The following ARFGEF2 variants were observed in gnomAD, a reference collection of about 807,000 sequenced individuals.
ARFGEF2 encodes brefeldin A-inhibited guanine nucleotide-exchange protein 2.
In ARFGEF2, 74 loss-of-function variants were observed where a neutral mutation model predicts 219.9. That is an observed-to-expected ratio of 0.34 (90% CI 0.28 to 0.41). The LOEUF (loss-of-function observed/expected upper bound fraction) is 0.41, where lower values mean the gene tolerates loss of function less well. Ranked by LOEUF, ARFGEF2 falls within the 10% of genes least tolerant of loss-of-function variation. The pLI, the probability that ARFGEF2 is intolerant of heterozygous loss-of-function variation, is 1.00. For synonymous variants in ARFGEF2, 733 were observed against 799.2 expected (o/e 0.92, Z 1.40); for missense variants, 1,743 against 2,218.3 (o/e 0.79, Z 4.30).
intron 6 of ARFGEF2, among the ~76,000 whole-genome samples, chr20:48,963,263 G>A (rs1476862578): frequency 6.6e-6 from 1 of 151,758 alleles, no homozygotes; most frequent in Non-Finnish European, 1.5e-5. Context: ...CTAGTTTTCT[G>A]CGGCGGGGGG....
intron 14 of ARFGEF2, among the ~76,000 whole-genome samples, chr20:48,979,968 T>C (rs1442362397): frequency 6.6e-6 from 1 of 152,154 alleles, no homozygotes; most frequent in Admixed American, 6.6e-5. Flanking sequence ...GGGTTTTTTA[T>C]GTCTCTATCT....
rs201458210 is a variant in ARFGEF2 at position 48,953,593 on chromosome 20, C to G, written c.641C>G (p.Ser214Ter). 1 of 1,614,110 alleles carries G rather than the reference C, an allele frequency of 6.2e-7. No individual in the cohort carries two copies. The highest frequency in any genetic ancestry group is 8.5e-7 in the Non-Finnish European group (1 of 1,180,040). ...AGAGAACTGGAAAAACCAATCCAGT[C>G]AAAACCCCAGTCCCCTGTGATCCAA... ...EARELEKPIQ[S>*]KPQSPVIQAA... The change falls in exon 6 of 39, where the codon TCA (serine) becomes TGA (stop). Residue 214 changes from serine to a stop codon, truncating the protein, a stop_gained. Transcript: ENST00000371917. LOFTEE classifies it high-confidence loss of function.
intron 1 of ARFGEF2, among the ~76,000 whole-genome samples, chr20:48,938,268 G>T (rs2090972235): frequency 2.0e-5 from 3 of 152,154 alleles, no homozygotes; most frequent in South Asian, 4.1e-4. Context: ...TCATAGCACT[G>T]ATCACAGTCC....
intron 1 of ARFGEF2, among the ~76,000 whole-genome samples, chr20:48,934,331 C>T (rs931132034): frequency 2.8e-4 from 43 of 151,772 alleles, no homozygotes; most frequent in African/African-American, 9.7e-4. Flanking sequence ...TTTCTCCCTC[C>T]GTTTAAAAAA....
rs1046615621 is a variant in ARFGEF2, at chr20:48,956,704, C to T, written c.838+2914C>T. Reference sequence around the variant, plus strand: ...AAGTGATTCCCCTGCCTCAGCCTCCCGAGTAGCTGGGACCACAGGCTCACA... The same window carrying T: ...AAGTGATTCCCCTGCCTCAGCCTCCTGAGTAGCTGGGACCACAGGCTCACA... On this transcript the variant is annotated intron_variant, in intron 6 of 38. Transcript: ENST00000371917. 6.6e-5 allele frequency among the ~76,000 whole-genome samples: 10 copies of T among 152,108 alleles called. No homozygotes were observed. In the South Asian group the frequency reaches 1.4e-3, roughly 22 times the overall value.
At chr20:48,990,127 C>T (rs2091349128) in intron 20 of ARFGEF2, among the ~76,000 whole-genome samples, 1 of 151,990 alleles carries the variant, frequency 6.6e-6, no homozygotes, top group Non-Finnish European at 1.5e-5. Context: ...TGCGGTGAGC[C>T]GAGATCGCGC....
At position 48,994,739 on chromosome 20, in the gene ARFGEF2, G is replaced by C. The variant is rs576811993; in HGVS notation, c.3121+141G>C. Reference sequence around the variant, plus strand: ...ACAGTGTTCATGAATGCAAGTGGACGTGCTGCTTTGGCCTCTTAATTGTGA... The same window carrying C: ...ACAGTGTTCATGAATGCAAGTGGACCTGCTGCTTTGGCCTCTTAATTGTGA... On this transcript the variant is annotated intron_variant, in intron 22 of 38. Transcript: ENST00000371917. 4.3e-5 allele frequency: 55 copies of C among 1,265,432 alleles called. No homozygotes were observed. In the South Asian group the frequency reaches 6.5e-4, roughly 15 times the overall value. The allele number at this position is 1,265,432 out of a possible 1,614,324, so 78.4% of individuals were successfully genotyped here. A position where few individuals can be genotyped will look rare whatever the true frequency, so the allele number is the denominator to read the frequency against.
intron 13 of ARFGEF2, 79 bp downstream of exon 13, chr20:48,974,953 G>GACAAC: frequency 1.6e-6 from 2 of 1,252,030 alleles, no homozygotes; most frequent in Non-Finnish European, 2.3e-6. Context: ...TCTTAGTATA[G>GACAAC]TTGTCTTAGA....
rs1250723835 is a variant in ARFGEF2 at position 48,989,629 on chromosome 20, T to C, written c.2759T>C (p.Leu920Ser). 1.2e-6 allele frequency: 2 copies of C among 1,614,194 alleles called. No individual in the cohort carries two copies. Among genetic ancestry groups the C allele is most frequent in the South Asian group, 2.2e-5 (2 of 91,086 alleles). The change falls in exon 20 of 39, where the codon TTG (leucine) becomes TCG (serine). Residue 920 changes from leucine (L) to serine (S), a missense_variant. Coordinates refer to ENST00000371917, the MANE Select transcript of ARFGEF2 (RefSeq NM_006420.3). ...TGTGATGACACTGAAGTGGCCTCCT[T>C]GTGTTTGGAAGGCATCCGATGTGCA... ...QNCDDTEVAS[L>S]CLEGIRCAIR...
intron 25 of ARFGEF2, among the ~76,000 whole-genome samples, chr20:49,003,667 C>T (rs2091438327): frequency 2.0e-5 from 3 of 151,994 alleles, no homozygotes; most frequent in Admixed American, 1.3e-4. Context: ...AATGAAATGG[C>T]TCACTTGGAG....
chr20:48,984,846 G>C lies in ARFGEF2; in HGVS notation c.2070+6G>C. On this transcript the variant is annotated splice_donor_region_variant and intron_variant, in intron 15 of 38. Coordinates refer to ENST00000371917, the MANE Select transcript of ARFGEF2 (RefSeq NM_006420.3). The stretch of plus-strand genomic sequence containing the variant: ...AGGAGGAGCGCCTGGATTCCGTAAG[G>C]CTTGGGGGTGTAGCACTTGCATGTG... The C allele has an allele frequency of 1.9e-6, 3 of 1,612,286 alleles. No homozygotes were observed. The highest frequency in any genetic ancestry group is 2.2e-5 in the South Asian group (2 of 90,984).
rs2091232821 is a variant in ARFGEF2, at chr20:48,972,238, G to A, written c.1426-88G>A. 7.6e-6 allele frequency: 7 copies of A among 923,900 alleles called. No homozygotes were observed. In the South Asian group the frequency reaches 9.3e-5, roughly 12 times the overall value. 57.2% of individuals were successfully genotyped at this position (923,900 alleles called of 1,614,324 possible). Reference sequence around the variant, plus strand: ...GCCCAGGGTGCTTTACTTACTGCACGACTGGGTTGGCTGCTGAAGACTTTG... The same window carrying A: ...GCCCAGGGTGCTTTACTTACTGCACAACTGGGTTGGCTGCTGAAGACTTTG... On this transcript the variant is annotated intron_variant, in intron 10 of 38. Transcript: ENST00000371917.
intron 3 of ARFGEF2, among the ~76,000 whole-genome samples, chr20:48,950,999 C>G (rs963381106): frequency 1.3e-5 from 2 of 151,716 alleles, no homozygotes; most frequent in South Asian, 2.1e-4. Flanking sequence ...ACGCCGCCCC[C>G]CTAACTCTAG....
chr20:48,979,005 A>G (rs958870781), intron 14 of ARFGEF2, among the ~76,000 whole-genome samples: 18 of 152,144 alleles, frequency 1.2e-4, no homozygotes, highest in Admixed American at 3.9e-4. Flanking sequence ...AACTCCCAAC[A>G]CTGTGTTGAA....
intron 26 of ARFGEF2, among the ~76,000 whole-genome samples, chr20:49,009,686 A>G (rs2091484036): frequency 2.0e-5 from 3 of 152,212 alleles, no homozygotes; most frequent in Non-Finnish European, 4.4e-5. Context: ...TTAGGTAAAC[A>G]TTGCACCTTA....
In ARFGEF2 at chr20:49,035,074, C is replaced by G. The variant is rs186865662; in HGVS notation, c.*1875C>G. ...AAACCTACACTCCCTGGTATCATAGCGCGTCATCACCTCAACAAGTCAGTC... is the reference window on the plus strand; with the variant it reads ...AAACCTACACTCCCTGGTATCATAGGGCGTCATCACCTCAACAAGTCAGTC... On this transcript the variant is annotated 3_prime_UTR_variant, in exon 39 of 39. Transcript: ENST00000371917. 4 of 152,150 alleles carry G rather than the reference C, an allele frequency of 2.6e-5. No individual in the cohort carries two copies. The highest frequency in any genetic ancestry group is 1.3e-4 in the Admixed American group (2 of 15,272). 9.4% of individuals were successfully genotyped at this position (152,150 alleles called of 1,614,324 possible). A position where few individuals can be genotyped will look rare whatever the true frequency, so the allele number is the denominator to read the frequency against.
chr20:48,921,853 CG>C lies in ARFGEF2; in HGVS notation c.-36del. The C allele has an allele frequency of 6.7e-7, 1 of 1,500,328 alleles. No homozygotes were observed. Among genetic ancestry groups the C allele is most frequent in the Admixed American group, 2.2e-5 (1 of 46,386 alleles). 92.9% of individuals were successfully genotyped at this position (1,500,328 alleles called of 1,614,324 possible). A position where few individuals can be genotyped will look rare whatever the true frequency, so the allele number is the denominator to read the frequency against. On this transcript the variant is annotated 5_prime_UTR_variant, in exon 1 of 39. Transcript: ENST00000371917. The stretch of plus-strand genomic sequence containing the variant: ...AGCTCGCCATCTCGCTCACGCCGCC[CG>C]CCCGCGGGGCCGTCAGCCCCCGCCG...
intron 11 of ARFGEF2, among the ~76,000 whole-genome samples, chr20:48,972,729 A>T (rs920872142): frequency 6.6e-6 from 1 of 152,186 alleles, no homozygotes; most frequent in African/African-American, 2.4e-5. Flanking sequence ...GACCTAAGAT[A>T]CTGGTGCTGC....
intron 14 of ARFGEF2, among the ~76,000 whole-genome samples, chr20:48,979,471 A>G (rs2091282598): frequency 6.6e-6 from 1 of 152,202 alleles, no homozygotes; most frequent in South Asian, 2.1e-4. Flanking sequence ...CTTTGGTATC[A>G]GGATGATGCT....
Sources: allele counts gnomAD v4.1 joint callset (sites outside exome capture counted in the v4.1 genomes callset), GRCh38; gene constraint gnomAD v4.1.1; transcripts MANE v1.5; gene names NCBI Gene and HGNC (gene_info 2026-07-23, HGNC 2026-07-21).